PRKCA: variants seen among roughly 807,000 people sequenced by gnomAD.
PRKCA encodes the protein protein kinase C alpha type.
Under a neutral mutation model 87.0 loss-of-function variants are expected in PRKCA, and 27 were observed. That is an observed-to-expected ratio of 0.31 (90% confidence interval 0.23 to 0.43). The LOEUF (loss-of-function observed/expected upper bound fraction) is 0.43, where lower values mean the gene tolerates loss of function less well. Ranked by LOEUF, PRKCA falls within the 20% of genes least tolerant of loss-of-function variation. The pLI, the probability that PRKCA is intolerant of heterozygous loss-of-function variation, is 1.00. For missense variants in PRKCA, 518 were observed against 852.3 expected (o/e 0.61, Z 4.88); for synonymous variants, 329 against 311.1 (o/e 1.06, Z -0.61).
At chr17:66,693,077 G>T (rs1344236864) in intron 8 of PRKCA, among the ~76,000 whole-genome samples, 1 of 152,234 alleles carries the variant, frequency 6.6e-6, no homozygotes, top group African/African-American at 2.4e-5. Flanking sequence ...CACTGCATTA[G>T]TATTCATTCG....
At chr17:66,583,524 T>TA (rs1969505719) in intron 3 of PRKCA, among the ~76,000 whole-genome samples, 1 of 151,908 alleles carries the variant, frequency 6.6e-6, no homozygotes, top group South Asian at 2.1e-4. Flanking sequence ...CTTGAAGAAT[T>TA]AGAGTGCTGC....
intron 2 of PRKCA, among the ~76,000 whole-genome samples, chr17:66,444,441 G>A (rs1001517979): frequency 6.6e-6 from 1 of 152,198 alleles, no homozygotes; most frequent in African/African-American, 2.4e-5. Flanking sequence ...ATGGCTGGGG[G>A]TGTGGATTCT....
chr17:66,579,394 C>T (rs1489107560), intron 3 of PRKCA, among the ~76,000 whole-genome samples: 2 of 152,122 alleles, frequency 1.3e-5, no homozygotes, highest in Non-Finnish European at 1.5e-5. Flanking sequence ...GTGTGAAAGT[C>T]GTGATGGGAA....
intron 3 of PRKCA, among the ~76,000 whole-genome samples, chr17:66,577,262 G>T (rs11869234): frequency 0.14 from 21,998 of 152,054 alleles, 1,811 homozygotes; most frequent in African/African-American, 0.22. Flanking sequence ...GGGACACCTG[G>T]TCTTCCGTGA....
At chr17:66,696,980 G>A (rs1248704894) in intron 8 of PRKCA, among the ~76,000 whole-genome samples, 2 of 152,116 alleles carry the variant, frequency 1.3e-5, no homozygotes, top group Non-Finnish European at 2.9e-5. Flanking sequence ...GTAAGCATCT[G>A]TGCTCTGCCT....
chr17:66,519,466 T>C (rs1398778677), intron 3 of PRKCA, among the ~76,000 whole-genome samples: 1 of 152,132 alleles, frequency 6.6e-6, no homozygotes, highest in Non-Finnish European at 1.5e-5. Context: ...TTGGAAGGTA[T>C]AGTGGACTCT....
rs1489846377 is a variant in PRKCA at position 66,805,534 on chromosome 17, T to C, written c.*1497T>C. 2.0e-5 allele frequency: 3 copies of C among 152,386 alleles called. No individual in the cohort carries two copies. The highest frequency in any genetic ancestry group is 4.4e-5 in the Non-Finnish European group (3 of 68,042). 9.4% of individuals were successfully genotyped at this position (152,386 alleles called of 1,614,324 possible). On this transcript the variant is annotated 3_prime_UTR_variant, in exon 17 of 17. Transcript: ENST00000413366. ...ATGTAGATAAAATTTCAAAAATGAATGGCTAGTTTACGTGATAGATTAGGC... is the reference window on the plus strand; with the variant it reads ...ATGTAGATAAAATTTCAAAAATGAACGGCTAGTTTACGTGATAGATTAGGC...
At chr17:66,545,273 C>CA (rs752117120) in intron 3 of PRKCA, among the ~76,000 whole-genome samples, 7 of 152,028 alleles carry the variant, frequency 4.6e-5, no homozygotes, top group Non-Finnish European at 8.8e-5. Context: ...CTAAAAAATA[C>CA]AAAAAATTAG....
intron 5 of PRKCA, among the ~76,000 whole-genome samples, chr17:66,662,408 C>T (rs1411135280): frequency 2.6e-5 from 4 of 152,122 alleles, no homozygotes; most frequent in East Asian, 1.9e-4. Context: ...ATGGCTTTAG[C>T]GCCATGGCTC....
At chr17:66,356,046 G>A (rs548687548) in intron 2 of PRKCA, among the ~76,000 whole-genome samples, 1 of 152,020 alleles carries the variant, frequency 6.6e-6, no homozygotes, top group East Asian at 2.0e-4. Flanking sequence ...TTTCAGGCAC[G>A]TGCCACCAAG....
rs555138987 is a variant in PRKCA, at chr17:66,592,918, G to A, written c.289-48437G>A. On this transcript the variant is annotated intron_variant, in intron 3 of 16. Coordinates refer to ENST00000413366, the MANE Select transcript of PRKCA (RefSeq NM_002737.3). Reference sequence around the variant, plus strand: ...AGCGATTCTCCTGCCTCAGCCTCCCGAGTAGCTGGGATTACAGGCATGTGC... The same window carrying A: ...AGCGATTCTCCTGCCTCAGCCTCCCAAGTAGCTGGGATTACAGGCATGTGC... 3.8e-4 allele frequency among the ~76,000 whole-genome samples: 58 copies of A among 152,134 alleles called. 1 individual carries two copies. The highest frequency in any genetic ancestry group is 6.8e-3 in the Middle Eastern group (2 of 294).
At chr17:66,438,716 G>A (rs1433624436) in intron 2 of PRKCA, among the ~76,000 whole-genome samples, 1 of 152,118 alleles carries the variant, frequency 6.6e-6, no homozygotes, top group Non-Finnish European at 1.5e-5. Flanking sequence ...CAATCATGGT[G>A]GAAGGGGAAG....
chr17:66,745,911 G>A (rs559136574), intron 13 of PRKCA, among the ~76,000 whole-genome samples: 12 of 152,048 alleles, frequency 7.9e-5, no homozygotes, highest in South Asian at 2.1e-4. Flanking sequence ...AAACTTGAGC[G>A]ACTCACGTAT....
At chr17:66,531,842 ACTTT>A (rs968163659) in intron 3 of PRKCA, among the ~76,000 whole-genome samples, 3 of 152,140 alleles carry the variant, frequency 2.0e-5, no homozygotes, top group Admixed American at 1.3e-4. Context: ...TGAAGAGTAG[ACTTT>A]CTTCTCAAAC....
rs56317931 is a variant in PRKCA at position 66,352,558 on chromosome 17, GTTTTTTTT to G, written c.205+46448_205+46455del. ...TCTTGAATTTGTGGTGTTTTTTGAG[GTTTTTTTT>G]TTTTTTTTTTTTTTTTGAGATGGAG... On this transcript the variant is annotated intron_variant, in intron 2 of 16. Coordinates refer to ENST00000413366, the MANE Select transcript of PRKCA (RefSeq NM_002737.3). Among the ~76,000 whole-genome samples, 15 of 83,758 alleles carry G rather than the reference GTTTTTTTT, an allele frequency of 1.8e-4. No homozygotes were observed. In the East Asian group the frequency reaches 3.5e-3, roughly 19 times the overall value. 54.9% of individuals were successfully genotyped at this position (83,758 alleles called of 152,430 possible). A position where few individuals can be genotyped will look rare whatever the true frequency, so the allele number is the denominator to read the frequency against.
At chr17:66,592,563 CAAAG>C (rs1969842837) in intron 3 of PRKCA, among the ~76,000 whole-genome samples, 1 of 152,088 alleles carries the variant, frequency 6.6e-6, no homozygotes, top group Admixed American at 6.5e-5. Context: ...TTCATGTACA[CAAAG>C]AAAAGGAGAT....
intron 8 of PRKCA, among the ~76,000 whole-genome samples, chr17:66,719,841 A>G (rs1973569668): frequency 6.6e-6 from 1 of 152,226 alleles, no homozygotes; most frequent in Admixed American, 6.5e-5. Context: ...TGCCTGTTAG[A>G]TTTTCTAAAA....
chr17:66,332,123 A>G (rs1176870490), intron 2 of PRKCA, among the ~76,000 whole-genome samples: 1 of 151,620 alleles, frequency 6.6e-6, no homozygotes, highest in Non-Finnish European at 1.5e-5. Context: ...TAAAAGTAAT[A>G]CCTCTTGGAA....
At chr17:66,446,960 T>C (rs1296584038) in intron 2 of PRKCA, among the ~76,000 whole-genome samples, 1 of 152,194 alleles carries the variant, frequency 6.6e-6, no homozygotes, top group Non-Finnish European at 1.5e-5. Flanking sequence ...CAGCGATTTC[T>C]AAAGACAGTA....
Sources: allele counts gnomAD v4.1 joint callset (sites outside exome capture counted in the v4.1 genomes callset), GRCh38; gene constraint gnomAD v4.1.1; transcripts MANE v1.5; gene names NCBI Gene and HGNC (gene_info 2026-07-23, HGNC 2026-07-21).